The following NOL11 variants were observed in gnomAD, a reference collection of about 807,000 sequenced individuals.
NOL11 encodes nucleolar protein 11.
A neutral mutation model predicts 93.0 loss-of-function variants in NOL11; 42 were observed. That is an observed-to-expected ratio of 0.45 (90% confidence interval 0.35 to 0.58). The LOEUF (loss-of-function observed/expected upper bound fraction) is 0.58. NOL11 is among the 20% of genes least tolerant of loss of function. NOL11 has a pLI of 0.00. For synonymous variants in NOL11, 296 were observed against 293.7 expected (o/e 1.01, Z -0.08); for missense variants, 775 against 841.8 (o/e 0.92, Z 0.98).
At chr17:67,727,699 C>T (rs2055109458) in intron 7 of NOL11, among the ~76,000 whole-genome samples, 2 of 151,726 alleles carry the variant, frequency 1.3e-5, no homozygotes, top group African/African-American at 4.8e-5. Context: ...CACAGTGGCT[C>T]ACGCCTGTAA....
chr17:67,741,532 A>C, intron 16 of NOL11, among the ~76,000 whole-genome samples: 1 of 151,828 alleles, frequency 6.6e-6, no homozygotes, highest in East Asian at 1.9e-4. Context: ...AAATAAGTTA[A>C]ATTTTTCAGT....
rs115027017 is a variant in NOL11, at chr17:67,720,652, A to G, written c.312+690A>G. 4.9e-3 allele frequency among the ~76,000 whole-genome samples: 753 copies of G among 152,330 alleles called. 3 individuals are homozygous for G. Among genetic ancestry groups the G allele is most frequent in the African/African-American group, 0.018 (729 of 41,566 alleles). On this transcript the variant is annotated intron_variant, in intron 3 of 17. Transcript: ENST00000253247. Reference sequence around the variant, plus strand: ...CACATAATACAGTAAAAAATAAAATAAAAACATGACTAGCTGTGCATGTTC... The same window carrying G: ...CACATAATACAGTAAAAAATAAAATGAAAACATGACTAGCTGTGCATGTTC...
chr17:67,721,557 C>G, intron 4 of NOL11, 31 bp downstream of exon 4: 2 of 1,582,674 alleles, frequency 1.3e-6, no homozygotes, highest in Non-Finnish European at 1.7e-6. Context: ...GTAAATTTAT[C>G]AAAATAAAAA....
At chr17:67,733,070 A>G (rs12949656) in intron 7 of NOL11, among the ~76,000 whole-genome samples, 117,357 of 151,686 alleles carry the variant, frequency 0.77, 46,783 homozygotes, top group Non-Finnish European at 0.87. Context: ...CTCCATTTAA[A>G]TTTGGATTTT....
At position 67,737,141 on chromosome 17, in the gene NOL11, T is replaced by C; in HGVS notation, c.1214T>C (p.Ile405Thr). 3.8e-6 allele frequency: 6 copies of C among 1,577,220 alleles called. No individual in the cohort carries two copies. Among genetic ancestry groups the C allele is most frequent in the Non-Finnish European group, 5.2e-6 (6 of 1,147,122 alleles). The stretch of plus-strand genomic sequence containing the variant: ...CCATCCAAACAACTTTTGTCAACCA[T>C]AATGGTAAATAAATAATATTGAAAT... ...VPPSKQLLST[I>T]MKDSEKHIEV... Residue 405 changes from isoleucine to threonine, a missense_variant, in exon 11 of 18, where the codon ATA becomes ACA. Physicochemically the swap from Ile to Thr is moderately conservative, Grantham distance 89. Coordinates refer to ENST00000253247, the MANE Select transcript of NOL11 (RefSeq NM_015462.5).
chr17:67,724,844 G>A (rs868030268), intron 6 of NOL11, among the ~76,000 whole-genome samples: 1 of 152,214 alleles, frequency 6.6e-6, no homozygotes, highest in Non-Finnish European at 1.5e-5. Context: ...AGATCACAAG[G>A]TCAGGAGATC....
rs1420995147 is a variant in NOL11, at chr17:67,737,904, A to G, written c.1461A>G (p.Gln487=). The G allele has an allele frequency of 7.4e-6, 12 of 1,613,518 alleles. No homozygotes were observed. The highest frequency in any genetic ancestry group is 9.3e-6 in the Non-Finnish European group (11 of 1,179,810). ...AAAAGAAAGATGTACAGTTGTTACA[A>G]CTCTGTCTACAGCAGTTCCCTGACA... is the stretch of plus-strand genomic sequence containing the variant. ...ALKKKDVQLL[Q]LCLQQFPDIP... Residue 487 remains glutamine (Q), a synonymous_variant, in exon 13 of 18, where the codon CAA becomes CAG. Transcript: ENST00000253247.
rs1169147108 is a variant in NOL11 at position 67,735,950 on chromosome 17, T to C, written c.981T>C (p.Thr327=). 1 of 1,612,196 alleles carries C rather than the reference T, an allele frequency of 6.2e-7. No individual in the cohort carries two copies. The highest frequency in any genetic ancestry group is 1.1e-5 in the South Asian group (1 of 90,936). The change falls in exon 9 of 18, where the codon ACT becomes ACC. Residue 327 remains threonine, a synonymous_variant. Coordinates refer to ENST00000253247, the MANE Select transcript of NOL11 (RefSeq NM_015462.5). ...TTATGCTACATGGAAAATCTCTAACTGTGATTCCATACAAGTGTGAAGTGT... is the reference window on the plus strand; with the variant it reads ...TTATGCTACATGGAAAATCTCTAACCGTGATTCCATACAAGTGTGAAGTGT... ...HLFMLHGKSL[T]VIPYKCEVSS...
At chr17:67,733,793 C>A (rs2055176251) in intron 7 of NOL11, among the ~76,000 whole-genome samples, 1 of 152,108 alleles carries the variant, frequency 6.6e-6, no homozygotes, top group East Asian at 1.9e-4. Context: ...GATGTATGTG[C>A]TGCACTGATT....
intron 7 of NOL11, among the ~76,000 whole-genome samples, chr17:67,730,336 C>T (rs2055141957): frequency 6.6e-6 from 1 of 152,182 alleles, no homozygotes; most frequent in African/African-American, 2.4e-5. Flanking sequence ...TCTGGGCTCA[C>T]TGCAAGCTCC....
At chr17:67,736,778 A>G (rs2055206090) in intron 10 of NOL11, 24 bp downstream of exon 10, 1 of 1,477,908 alleles carries the variant, frequency 6.8e-7, no homozygotes, top group Admixed American at 1.7e-5. Flanking sequence ...TTGAAATTGA[A>G]ACATTAGTGC....
Position 67,726,503 on chromosome 17 carries a change from A to C in NOL11, c.708A>C (p.Pro236=). 1 of 1,614,094 alleles carries C rather than the reference A, an allele frequency of 6.2e-7. No homozygotes were observed. The highest frequency in any genetic ancestry group is 8.5e-7 in the Non-Finnish European group (1 of 1,180,014). ...CIYETLIPIR[P]ADPEKNQSLV... is the part of the protein sequence containing the mutation. ...ATGAAACCTTGATACCAATACGTCC[A>C]GCTGACCCAGAAAAAAATCAGAGCT... is the stretch of plus-strand genomic sequence containing the variant. Residue 236 remains proline, a synonymous_variant, in exon 7 of 18, where the codon CCA becomes CCC. Coordinates refer to ENST00000253247, the MANE Select transcript of NOL11 (RefSeq NM_015462.5).
chr17:67,732,781 C>T (rs189598966), intron 7 of NOL11, among the ~76,000 whole-genome samples: 1,707 of 151,270 alleles, frequency 0.011, 28 homozygotes, highest in African/African-American at 0.04. Flanking sequence ...ACTGTGTTGC[C>T]CCGGCTGGTC....
intron 16 of NOL11, among the ~76,000 whole-genome samples, chr17:67,741,140 G>T (rs1220695836): frequency 6.6e-6 from 1 of 152,144 alleles, no homozygotes; most frequent in East Asian, 1.9e-4. Context: ...CACGATCTCG[G>T]CTCACTGCAA....
intron 6 of NOL11, 102 bp downstream of exon 6, chr17:67,724,295 G>T (rs2143090106): frequency 3.2e-6 from 2 of 632,534 alleles, no homozygotes. Context: ...TTCAGTTACA[G>T]CCATTTCTGT....
chr17:67,720,051 C>T (rs2043206133), intron 3 of NOL11, 89 bp downstream of exon 3: 3 of 1,225,248 alleles, frequency 2.4e-6, no homozygotes, highest in Non-Finnish European at 3.3e-6. Context: ...TATTTTAATA[C>T]CTCTGGGAAA....
At chr17:67,728,779 T>A (rs999309334) in intron 7 of NOL11, among the ~76,000 whole-genome samples, 1 of 152,244 alleles carries the variant, frequency 6.6e-6, no homozygotes, top group Non-Finnish European at 1.5e-5. Context: ...TATAATATTA[T>A]TTGTTAATCT....
At chr17:67,726,682 G>C (rs1379416576) in intron 7 of NOL11, 34 bp downstream of exon 7, 1 of 1,479,940 alleles carries the variant, frequency 6.8e-7, no homozygotes, top group African/African-American at 1.4e-5. Flanking sequence ...GAAGGCCTTT[G>C]TATGTTTCCT....
intron 7 of NOL11, among the ~76,000 whole-genome samples, chr17:67,727,759 T>G (rs9903629): frequency 0.075 from 11,105 of 147,292 alleles, 1,023 homozygotes; most frequent in East Asian, 0.29. Context: ...AGGCCAGGAG[T>G]TCGAGACCAG....
Sources: gnomAD v4.1 joint callset for allele counts (sites outside exome capture counted in the v4.1 genomes callset) on GRCh38, gnomAD v4.1.1 for gene constraint, MANE v1.5 for transcripts, NCBI Gene and HGNC (gene_info 2026-07-23, HGNC 2026-07-21) for gene names.